The following TTC3 variants were observed in gnomAD, a reference collection of about 807,000 sequenced individuals.
The protein encoded by TTC3 is tetratricopeptide repeat domain 3, also known as E3 ubiquitin-protein ligase TTC3.
In TTC3, 180 loss-of-function variants were observed where a neutral mutation model predicts 249.6. The observed-to-expected ratio is 0.72, with a 90% confidence interval of 0.64 to 0.82. TTC3 has a LOEUF of 0.82. TTC3 is among the 40% of genes least tolerant of loss of function. The pLI, the probability that TTC3 is intolerant of heterozygous loss-of-function variation, is 0.00. For synonymous variants in TTC3, 717 were observed against 805.0 expected (o/e 0.89, Z 1.85); for missense variants, 2,061 against 2,398.4 (o/e 0.86, Z 2.94).
At chr21:37,080,572 C>T (rs868434462) in intron 1 of TTC3, among the ~76,000 whole-genome samples, 6 of 152,092 alleles carry the variant, frequency 3.9e-5, no homozygotes, top group Middle Eastern at 3.2e-3. Flanking sequence ...TTGCAATATT[C>T]CACCATTACT....
chr21:37,201,931 C>A (rs767710856), exon 46 of TTC3: 5 of 190,456 alleles, frequency 2.6e-5, no homozygotes, highest in Non-Finnish European at 4.2e-5. Flanking sequence ...TTGTTCCCCA[C>A]GTTTGTTCCC....
At chr21:37,133,437 G>T (rs528355440) in intron 17 of TTC3, among the ~76,000 whole-genome samples, 1 of 152,294 alleles carries the variant, frequency 6.6e-6, no homozygotes, top group East Asian at 1.9e-4. Context: ...ATTTCTTAAA[G>T]TTGGAGATTT....
chr21:37,088,871 G>T, exon 5 of TTC3: 1 of 1,613,538 alleles, frequency 6.2e-7, no homozygotes, highest in South Asian at 1.1e-5. Flanking sequence ...TTGTGGATTT[G>T]GCAAAGAAAG....
intron 10 of TTC3, 50 bp from the exon 11 acceptor site, chr21:37,108,342 C>A: frequency 6.7e-7 from 1 of 1,500,086 alleles, no homozygotes. Context: ...AGATATAATA[C>A]TTTTACTATA....
chr21:37,147,026 AAAC>A (rs1265959630), intron 21 of TTC3, among the ~76,000 whole-genome samples: 2 of 152,206 alleles, frequency 1.3e-5, no homozygotes, highest in South Asian at 2.1e-4. Flanking sequence ...GGGAGTCCAC[AAAC>A]AACAGTGGCA....
intron 10 of TTC3, chr21:37,098,136 A>G (rs2074128342): frequency 6.4e-6 from 3 of 472,342 alleles, no homozygotes; most frequent in Non-Finnish European, 1.1e-5. Context: ...GGTTCTGACA[A>G]GAAATGAGCT....
At chr21:37,183,013 G>C in intron 36 of TTC3, 100 bp downstream of exon 36, 1 of 1,057,478 alleles carries the variant, frequency 9.5e-7, no homozygotes, top group Non-Finnish European at 1.3e-6. Flanking sequence ...ACTACATCAA[G>C]TAAAGTAAAA....
chr21:37,167,429 C>A (rs1339634735), intron 33 of TTC3, 126 bp from the exon 34 acceptor site: 2 of 544,528 alleles, frequency 3.7e-6, no homozygotes, highest in Non-Finnish European at 6.2e-6. Context: ...AAGCATGGAA[C>A]ATGATCTAAA....
intron 17 of TTC3, among the ~76,000 whole-genome samples, chr21:37,133,131 CAA>C (rs1180107417): frequency 6.6e-6 from 1 of 152,134 alleles, no homozygotes; most frequent in Admixed American, 6.5e-5. Flanking sequence ...ATTTGCTTCT[CAA>C]AGAGTTAACA....
At chr21:37,175,195 C>T (rs1385258292) in intron 35 of TTC3, among the ~76,000 whole-genome samples, 3 of 135,462 alleles carry the variant, frequency 2.2e-5, no homozygotes, top group East Asian at 2.3e-4. Flanking sequence ...ACCCGGGAGG[C>T]GGAGCTTGCA....
intron 44 of TTC3, among the ~76,000 whole-genome samples, chr21:37,198,458 A>C (rs983683124): frequency 5.3e-5 from 8 of 152,156 alleles, no homozygotes. Context: ...GTGTGGCCAC[A>C]CCCACCCCAA....
intron 22 of TTC3, 97 bp downstream of exon 22, chr21:37,147,700 C>A: frequency 7.1e-7 from 1 of 1,409,128 alleles, no homozygotes. Context: ...AGTTCTCTGG[C>A]TAGTTAGCAG....
At chr21:37,166,278 T>C in exon 33 of TTC3, 1 of 1,614,214 alleles carries the variant, frequency 6.2e-7, no homozygotes, top group Non-Finnish European at 8.5e-7. Flanking sequence ...TTGGCCAGCC[T>C]TTCTCCTGAA....
chr21:37,077,843 T>C (rs2071112698), intron 1 of TTC3, among the ~76,000 whole-genome samples: 1 of 152,200 alleles, frequency 6.6e-6, no homozygotes, highest in Non-Finnish European at 1.5e-5. Context: ...TTGTGGCCTG[T>C]CTTTCTACTG....
chr21:37,081,444 A>C (rs1225629690), intron 1 of TTC3, among the ~76,000 whole-genome samples: 4 of 151,712 alleles, frequency 2.6e-5, no homozygotes, highest in African/African-American at 9.7e-5. Context: ...AGAAAATATC[A>C]TTTTTCTTTT....
At chr21:37,112,160 CA>C (rs1016018071) in intron 11 of TTC3, among the ~76,000 whole-genome samples, 20 of 152,100 alleles carry the variant, frequency 1.3e-4, no homozygotes, top group African/African-American at 4.1e-4. Flanking sequence ...CAAACACATG[CA>C]AAAGCTAGCA....
At chr21:37,134,829 C>G (rs536217465) in intron 17 of TTC3, among the ~76,000 whole-genome samples, 1 of 152,178 alleles carries the variant, frequency 6.6e-6, no homozygotes, top group South Asian at 2.1e-4. Context: ...TGCATTTAAC[C>G]TATTGTTATC....
chr21:37,131,420 C>T (rs1328370017), intron 16 of TTC3, among the ~76,000 whole-genome samples: 9 of 152,180 alleles, frequency 5.9e-5, no homozygotes, highest in South Asian at 2.1e-4. Context: ...TCTGGGCTGA[C>T]GAACACATTG....
exon 32 of TTC3, chr21:37,164,074 G>T (rs111331118): frequency 1.9e-6 from 3 of 1,609,154 alleles, no homozygotes; most frequent in Non-Finnish European, 2.5e-6. Context: ...GATTCTGCAG[G>T]CCCATTTGCA....
Sources: gnomAD v4.1 joint callset for allele counts (sites outside exome capture counted in the v4.1 genomes callset) on GRCh38, gnomAD v4.1.1 for gene constraint, MANE v1.5 for transcripts, NCBI Gene and HGNC (gene_info 2026-07-23, HGNC 2026-07-21) for gene names.